ERCC1: variants seen among roughly 807,000 people sequenced by gnomAD.
ERCC1 encodes DNA excision repair protein ERCC-1.
ERCC1 carries 36 observed loss-of-function variants against 37.6 expected under a neutral mutation model. That is an observed-to-expected ratio of 0.96 (90% CI 0.73 to 1.26). ERCC1 has a LOEUF of 1.26. Ranked by LOEUF, ERCC1 falls within the 50% of genes most tolerant of loss-of-function variation. The pLI is 0.00. For synonymous variants in ERCC1, 156 were observed against 162.1 expected, an observed-to-expected ratio of 0.96 and a Z score of 0.28; for missense variants, 349 against 376.5, an observed-to-expected ratio of 0.93 and a Z score of 0.60.
At chr19:45,419,856 T>C (rs544808773) in intron 4 of ERCC1, among the ~76,000 whole-genome samples, 27 of 146,086 alleles carry the variant, frequency 1.8e-4, no homozygotes, top group African/African-American at 6.6e-4. Flanking sequence ...CCTCCTCCCT[T>C]AGACCCAGGA....
chr19:45,449,904 C>A (rs1967061089), intron 1 of ERCC1, among the ~76,000 whole-genome samples: 1 of 152,048 alleles, frequency 6.6e-6, no homozygotes, highest in Non-Finnish European at 1.5e-5. Flanking sequence ...GCAAAGGTTG[C>A]CGTGAGCCGA....
chr19:45,416,960 G>A (rs2123487084), intron 5 of ERCC1, 63 bp from the exon 6 acceptor site: 12 of 1,213,488 alleles, frequency 9.9e-6, no homozygotes, highest in Non-Finnish European at 1.5e-5. Context: ...AGCCAGGCGT[G>A]GTGGCAGGTG....
rs573550005 is a variant in ERCC1, at chr19:45,413,433, A to G, written c.843+244T>C. On this transcript the variant is annotated intron_variant, in intron 9 of 9. Coordinates refer to ENST00000300853, the MANE Select transcript of ERCC1 (RefSeq NM_001983.4). Reference sequence around the variant, plus strand: ...AGGCACGTAGCAAGCTCACACCACCATGCCCAGCTAGTTTTTTTTATTTTT... The same window carrying G: ...AGGCACGTAGCAAGCTCACACCACCGTGCCCAGCTAGTTTTTTTTATTTTT... The G allele has an allele frequency of 6.8e-6, 5 of 730,102 alleles. No individual in the cohort carries two copies. The East Asian group carries it at 8.1e-5, about 12-fold the overall frequency. 45.2% of individuals were successfully genotyped at this position (730,102 alleles called of 1,614,324 possible).
At chr19:45,441,382 G>A (rs993818085) in intron 1 of ERCC1, among the ~76,000 whole-genome samples, 1 of 152,200 alleles carries the variant, frequency 6.6e-6, no homozygotes, top group African/African-American at 2.4e-5. Context: ...CTCCACCCAG[G>A]TAGCAGGGTG....
chr19:45,421,983 C>A (rs1439196912), intron 2 of ERCC1, among the ~76,000 whole-genome samples: 1 of 152,022 alleles, frequency 6.6e-6, no homozygotes, highest in African/African-American at 2.4e-5. Context: ...ATGTCCCTTC[C>A]AGAAGGCTGA....
At chr19:45,447,574 G>A (rs915069477) in intron 1 of ERCC1, among the ~76,000 whole-genome samples, 2 of 151,772 alleles carry the variant, frequency 1.3e-5, no homozygotes, top group Non-Finnish European at 1.5e-5. Flanking sequence ...TGTGCCGGGC[G>A]TCTATCTCTT....
chr19:45,424,543 T>G (rs1210514900), upstream of ERCC1, among the ~76,000 whole-genome samples: 1 of 152,240 alleles, frequency 6.6e-6, no homozygotes, highest in Non-Finnish European at 1.5e-5. Context: ...AAGGATAGTA[T>G]CACACTGTTC....
Position 45,408,042 on chromosome 19 carries a change from A to C in ERCC1, c.*1633T>G. The C allele has an allele frequency of 2.7e-6, 4 of 1,464,430 alleles. No individual in the cohort carries two copies. The highest frequency in any genetic ancestry group is 2.7e-6 in the Non-Finnish European group (3 of 1,107,038). The allele number at this position is 1,464,430 out of a possible 1,614,324, so 90.7% of individuals were successfully genotyped here. ...GCACTCCAGCCTAGGCAACAGAGCAAGACTCTCTCAAAAAAAAACAAAAAA... is the reference window on the plus strand; with the variant it reads ...GCACTCCAGCCTAGGCAACAGAGCACGACTCTCTCAAAAAAAAACAAAAAA... On this transcript the variant is annotated 3_prime_UTR_variant, in exon 10 of 10. Transcript: ENST00000300853.
chr19:45,439,640 G>GC (rs1454709538), intron 1 of ERCC1, among the ~76,000 whole-genome samples: 2 of 152,070 alleles, frequency 1.3e-5, no homozygotes, highest in Non-Finnish European at 1.5e-5. Flanking sequence ...GGGGCGCGGC[G>GC]CCCCTGCCCA....
Position 45,442,760 on chromosome 19 carries a change from C to T in ERCC1, c.-7-19379G>A, listed in dbSNP as rs142675580. 9.6e-4 allele frequency among the ~76,000 whole-genome samples: 146 copies of T among 152,230 alleles called. 2 individuals carry two copies. The highest frequency in any genetic ancestry group is 3.4e-3 in the African/African-American group (143 of 41,524). The stretch of plus-strand genomic sequence containing the variant: ...TGCCTGGAAGAAGACTAAGGGTAGC[C>T]AGGAAGGCATCTTCCAGAACCTTCT... On this transcript the variant is annotated intron_variant, in intron 1 of 8. Transcript: ENST00000423698.
At chr19:45,413,398 C>T (rs1973856669) in intron 9 of ERCC1, 1 of 625,888 alleles carries the variant, frequency 1.6e-6, no homozygotes, top group Non-Finnish European at 2.8e-6. Context: ...TCCCCAGTAG[C>T]TGAGACTACA....
Position 45,408,796 on chromosome 19 carries a change from T to C in ERCC1, c.*879A>G. 1 of 1,613,428 alleles carries C rather than the reference T, an allele frequency of 6.2e-7. No individual in the cohort carries two copies. Among genetic ancestry groups the C allele is most frequent in the East Asian group, 2.2e-5 (1 of 44,828 alleles). ...CAGTGAAGCAGGAACAGATTAACAC[T>C]GAGCCTCTAGAAGACACAGTCCTGT... On this transcript the variant is annotated 3_prime_UTR_variant, in exon 10 of 10. Coordinates refer to ENST00000300853, the MANE Select transcript of ERCC1 (RefSeq NM_001983.4).
intron 1 of ERCC1, among the ~76,000 whole-genome samples, chr19:45,440,031 G>C (rs1056042024): frequency 1.3e-5 from 2 of 152,130 alleles, no homozygotes; most frequent in East Asian, 3.9e-4. Flanking sequence ...AGCGCGCGGG[G>C]GGAGCGGTGC....
At position 45,409,292 on chromosome 19, in the gene ERCC1, G is replaced by C. The variant is rs1973540941; in HGVS notation, c.*383C>G. The C allele has an allele frequency of 5.0e-6, 8 of 1,613,976 alleles. No individual in the cohort carries two copies. Among genetic ancestry groups the C allele is most frequent in the South Asian group, 3.3e-5 (3 of 91,066 alleles). ...AGTGACTGAGCCAATTCAGCCACTAGAGCCTGAACTGCCAGGGGAGGGACA... is the reference window on the plus strand; with the variant it reads ...AGTGACTGAGCCAATTCAGCCACTACAGCCTGAACTGCCAGGGGAGGGACA... On this transcript the variant is annotated 3_prime_UTR_variant, in exon 10 of 10. Transcript: ENST00000300853.
rs1239484346 is a variant in ERCC1 at position 45,409,088 on chromosome 19, C to A, written c.*587G>T. The stretch of plus-strand genomic sequence containing the variant: ...GCCTCAACAGCCAGAAGGAGCGAAG[C>A]CTCAGGCCCAGGCAGCTCTGGCAGC... On this transcript the variant is annotated 3_prime_UTR_variant, in exon 10 of 10. Coordinates refer to ENST00000300853, the MANE Select transcript of ERCC1 (RefSeq NM_001983.4). 6.2e-7 allele frequency: 1 copy of A among 1,613,536 alleles called. No homozygotes were observed. Among genetic ancestry groups the A allele is most frequent in the South Asian group, 1.1e-5 (1 of 91,020 alleles).
intron 1 of ERCC1, among the ~76,000 whole-genome samples, chr19:45,433,612 C>T (rs1274781299): frequency 2.6e-5 from 4 of 151,256 alleles, no homozygotes; most frequent in East Asian, 3.9e-4. Context: ...TGCTTGAACC[C>T]GGGAGACAGA....
upstream of ERCC1, among the ~76,000 whole-genome samples, chr19:45,427,582 C>A (rs1266153486): frequency 6.6e-6 from 1 of 152,182 alleles, no homozygotes. Context: ...CCACTGCACT[C>A]TAGCCTGGGC....
upstream of ERCC1, among the ~76,000 whole-genome samples, chr19:45,425,082 A>ATTTTTTTTTT (rs35314737): frequency 2.6e-3 from 303 of 116,948 alleles, no homozygotes; most frequent in Non-Finnish European, 4.5e-3. Flanking sequence ...TGCCCGGCTA[A>ATTTTTTTTTT]TTTTTTTTTT....
In ERCC1 at chr19:45,413,701, T is replaced by A. The variant is rs753241440; in HGVS notation, c.819A>T (p.Leu273Phe). ...LIAASREDLA[L>F]CPGLGPQKAR... ...CTTTCTGAGGGCCCAGGCCTGGGCA[T>A]AAGGCCAGATCTTCTCTTGATGCGG... Residue 273 changes from leucine to phenylalanine, a missense_variant, in exon 9 of 10, where the codon TTA becomes TTT. By Grantham distance (22) the Leu-to-Phe change is conservative. Transcript: ENST00000300853. 2 of 1,614,130 alleles carry A rather than the reference T, an allele frequency of 1.2e-6. No homozygotes were observed. The highest frequency in any genetic ancestry group is 1.7e-5 in the Admixed American group (1 of 60,026).
Sources: allele counts gnomAD v4.1 joint callset (sites outside exome capture counted in the v4.1 genomes callset), GRCh38; gene constraint gnomAD v4.1.1; transcripts MANE v1.5; gene names NCBI Gene and HGNC (gene_info 2026-07-23, HGNC 2026-07-21).